The following CDK5RAP2 variants were observed in gnomAD, a reference collection of about 807,000 sequenced individuals.
CDK5RAP2 encodes CDK5 regulatory subunit-associated protein 2.
A neutral mutation model predicts 232.9 loss-of-function variants in CDK5RAP2; 147 were observed. The observed-to-expected ratio is 0.63, with a 90% confidence interval of 0.55 to 0.72. The LOEUF is 0.72. Ranked by LOEUF, CDK5RAP2 falls within the 30% of genes least tolerant of loss-of-function variation. The pLI, the probability that CDK5RAP2 is intolerant of heterozygous loss-of-function variation, is 0.00. For synonymous variants in CDK5RAP2, 833 were observed against 833.7 expected, an observed-to-expected ratio of 1.00 and a Z score of 0.01; for missense variants, 2,195 against 2,231.5, an observed-to-expected ratio of 0.98 and a Z score of 0.33.
chr9:120,523,202 G>A (rs540930671), intron 11 of CDK5RAP2, among the ~76,000 whole-genome samples: 2 of 152,282 alleles, frequency 1.3e-5, no homozygotes, highest in South Asian at 4.2e-4. Flanking sequence ...AAAGTCTTTT[G>A]ACTAAGACTG....
intron 3 of CDK5RAP2, among the ~76,000 whole-genome samples, chr9:120,553,624 C>T (rs2042123366): frequency 6.6e-6 from 1 of 152,168 alleles, no homozygotes; most frequent in Non-Finnish European, 1.5e-5. Context: ...AAGCAAACTT[C>T]TAGGGCACTG....
At chr9:120,504,514 C>T (rs932459919) in intron 12 of CDK5RAP2, among the ~76,000 whole-genome samples, 3 of 152,222 alleles carry the variant, frequency 2.0e-5, no homozygotes, top group African/African-American at 7.2e-5. Flanking sequence ...CCGCATCCCA[C>T]TGCCTCTGCC....
rs1487303499 is a variant in CDK5RAP2 at position 120,530,029 on chromosome 9, C to T, written c.774G>A (p.Glu258=). The T allele has an allele frequency of 2.5e-6, 4 of 1,614,026 alleles. No individual in the cohort carries two copies. In the South Asian group the frequency reaches 4.4e-5, roughly 18 times the overall value. ...TTGGAGCAGCACAAAGTCCTCGGAG[C>T]TCTCCAGATGACACATTCTCATCAG... The part of the protein sequence containing the change: ...ACPDENVSSG[E]LRGLCAAPRE... The change falls in exon 8 of 38, where the codon GAG becomes GAA. Residue 258 remains glutamate, a synonymous_variant. Transcript: ENST00000349780.
intron 22 of CDK5RAP2, among the ~76,000 whole-genome samples, chr9:120,447,120 C>G (rs1588359900): frequency 6.6e-6 from 1 of 152,176 alleles, no homozygotes; most frequent in Admixed American, 6.5e-5. Flanking sequence ...TTTTGTTGTT[C>G]TTGTTATGGT....
intron 12 of CDK5RAP2, among the ~76,000 whole-genome samples, chr9:120,515,613 T>C (rs760472132): frequency 1.3e-5 from 2 of 152,160 alleles, no homozygotes; most frequent in African/African-American, 4.8e-5. Flanking sequence ...GGTGGCAGCA[T>C]AAAATGGGCC....
chr9:120,410,714 A>T (rs1447047691), intron 29 of CDK5RAP2, among the ~76,000 whole-genome samples: 1 of 152,228 alleles, frequency 6.6e-6, no homozygotes, highest in Non-Finnish European at 1.5e-5. Flanking sequence ...ATATCCTTTT[A>T]GGAAAAGTGG....
In CDK5RAP2 at chr9:120,473,729, C is replaced by T. The variant is rs546121061; in HGVS notation, c.1728-1851G>A. 6.3e-4 allele frequency among the ~76,000 whole-genome samples: 96 copies of T among 152,278 alleles called. 1 individual carries two copies. The highest frequency in any genetic ancestry group is 2.2e-3 in the African/African-American group (93 of 41,544). The stretch of plus-strand genomic sequence containing the variant: ...CACAGAGGTGTCACAGCACAGCACT[C>T]GCTTGGATGCAGTCATGCTGCAGAG... On this transcript the variant is annotated intron_variant, in intron 15 of 37. Transcript: ENST00000349780.
rs149641833 is a variant in CDK5RAP2, at chr9:120,559,078, G to C, written c.196-8176C>G. Among the ~76,000 whole-genome samples the C allele has an allele frequency of 2.4e-3, 362 of 152,206 alleles. 2 individuals carry two copies. The highest frequency in any genetic ancestry group is 8.1e-3 in the African/African-American group (338 of 41,526). ...TTAATGAAGTTCACTTTTCCTACAT[G>C]CCTCAGTTCCTCCATCTATAAAAAA... On this transcript the variant is annotated intron_variant, in intron 3 of 37. Coordinates refer to ENST00000349780, the MANE Select transcript of CDK5RAP2 (RefSeq NM_018249.6).
chr9:120,545,311 A>G (rs549205824), intron 5 of CDK5RAP2, among the ~76,000 whole-genome samples: 55 of 152,366 alleles, frequency 3.6e-4, no homozygotes, highest in African/African-American at 1.2e-3. Context: ...CAGACACAAA[A>G]GAGAATCTAC....
At chr9:120,441,537 C>T (rs995650693) in intron 23 of CDK5RAP2, among the ~76,000 whole-genome samples, 1 of 152,194 alleles carries the variant, frequency 6.6e-6, no homozygotes, top group Non-Finnish European at 1.5e-5. Flanking sequence ...CGGAGGCGTG[C>T]GTGCGAAGGC....
At chr9:120,410,371 C>G (rs2033772987) in intron 29 of CDK5RAP2, among the ~76,000 whole-genome samples, 1 of 152,212 alleles carries the variant, frequency 6.6e-6, no homozygotes. Context: ...TTAAAAGGCC[C>G]TGGCTCCTCT....
chr9:120,518,211 G>GTGTGTGTGAGAC (rs1554770754), intron 12 of CDK5RAP2, among the ~76,000 whole-genome samples: 87 of 31,638 alleles, frequency 2.7e-3, no homozygotes, highest in African/African-American at 5.9e-3. Context: ...GTGTGTGTGT[G>GTGTGTGTGAGAC]AGAGAGAGAG....
intron 12 of CDK5RAP2, among the ~76,000 whole-genome samples, chr9:120,506,769 G>A (rs1358718561): frequency 6.6e-6 from 1 of 152,188 alleles, no homozygotes; most frequent in Admixed American, 6.5e-5. Context: ...GATAAAGCTT[G>A]AACAGATACG....
At chr9:120,480,675 G>A (rs953513015) in intron 14 of CDK5RAP2, among the ~76,000 whole-genome samples, 7 of 152,126 alleles carry the variant, frequency 4.6e-5, no homozygotes, top group African/African-American at 1.7e-4. Context: ...TCAAGATAGG[G>A]GTCTCTGGCT....
rs1012559092 is a variant in CDK5RAP2 at position 120,419,782 on chromosome 9, G to A, written c.4177+6C>T. On this transcript the variant is annotated splice_donor_region_variant and intron_variant, in intron 27 of 37. Coordinates refer to ENST00000349780, the MANE Select transcript of CDK5RAP2 (RefSeq NM_018249.6). Reference sequence around the variant, plus strand: ...TGTTTAAAACACTTAATGAGGCTTAGCTTACCTTGAGAAAAACTGTTCACC... The same window carrying A: ...TGTTTAAAACACTTAATGAGGCTTAACTTACCTTGAGAAAAACTGTTCACC... The A allele has an allele frequency of 6.2e-7, 1 of 1,609,820 alleles. No individual in the cohort carries two copies. Among genetic ancestry groups the A allele is most frequent in the Non-Finnish European group, 8.5e-7 (1 of 1,176,058 alleles).
rs2035820345 is a variant in CDK5RAP2, at chr9:120,440,214, T to A, written c.3149-242A>T. The A allele has an allele frequency of 1.4e-5, 8 of 560,648 alleles. No individual in the cohort carries two copies. In the South Asian group the frequency reaches 1.7e-4, roughly 12 times the overall value. The allele number at this position is 560,648 out of a possible 1,614,324, so 34.7% of individuals were successfully genotyped here. On this transcript the variant is annotated intron_variant, in intron 23 of 37. Coordinates refer to ENST00000349780, the MANE Select transcript of CDK5RAP2 (RefSeq NM_018249.6). ...CAGTTGTCCTCTTCCTCAGAGTGAC[T>A]GTTCTAAAAAGTAATTTTAACCATG...
rs577335254 is a variant in CDK5RAP2, at chr9:120,547,233, G to A, written c.307-1443C>T. Among the ~76,000 whole-genome samples the A allele has an allele frequency of 2.9e-4, 44 of 151,928 alleles. 1 individual carries two copies. In the East Asian group the frequency reaches 8.2e-3, roughly 28 times the overall value. Reference sequence around the variant, plus strand: ...TTGAACTCCTGACCTCAAGTGATCCGCCTGCCTTGGCCTCTCAAAGTGCTG... The same window carrying A: ...TTGAACTCCTGACCTCAAGTGATCCACCTGCCTTGGCCTCTCAAAGTGCTG... On this transcript the variant is annotated intron_variant, in intron 4 of 37. Coordinates refer to ENST00000349780, the MANE Select transcript of CDK5RAP2 (RefSeq NM_018249.6).
chr9:120,431,078 C>G (rs955599943), intron 25 of CDK5RAP2, among the ~76,000 whole-genome samples: 1 of 151,964 alleles, frequency 6.6e-6, no homozygotes, highest in Non-Finnish European at 1.5e-5. Flanking sequence ...CACGTGGACA[C>G]AGGAAAGGGA....
chr9:120,521,653 T>C (rs1329940721), intron 11 of CDK5RAP2, among the ~76,000 whole-genome samples: 2 of 145,652 alleles, frequency 1.4e-5, no homozygotes, highest in African/African-American at 2.6e-5. Flanking sequence ...TCTTTTTTTT[T>C]TTTTTTTTTT....
Sources: allele counts gnomAD v4.1 joint callset (sites outside exome capture counted in the v4.1 genomes callset), GRCh38; gene constraint gnomAD v4.1.1; transcripts MANE v1.5; gene names NCBI Gene and HGNC (gene_info 2026-07-23, HGNC 2026-07-21).